Variants in DCX observed in about 807,000 individuals in gnomAD.
DCX encodes doublecortin.
Under a neutral mutation model 20.9 loss-of-function variants are expected in DCX, and 4 were observed. The ratio of observed to expected loss-of-function variants is 0.19; its 90% confidence interval spans 0.09 to 0.44. The LOEUF (loss-of-function observed/expected upper bound fraction) is 0.44. Ranked by LOEUF, DCX falls within the 20% of genes least tolerant of loss-of-function variation. The pLI is 0.99. For synonymous variants in DCX, 103 were observed against 111.4 expected (o/e 0.92, Z 0.47); for missense variants, 133 against 296.9 (o/e 0.45, Z 4.06).
intron 5 of DCX, among the ~76,000 whole-genome samples, chrX:111,312,975 C>T (rs2095061026): frequency 8.9e-6 from 1 of 111,936 alleles, no homozygotes; most frequent in South Asian, 3.8e-4. Context: ...CTTTCCTCCT[C>T]AGTGCTTCCC....
intron 3 of DCX, among the ~76,000 whole-genome samples, chrX:111,385,718 C>CAAGAAAGCAAGAAAGCAAGAAAGCAAGG (rs1556396523): frequency 1.2e-5 from 1 of 82,016 alleles, no homozygotes; most frequent in African/African-American, 4.5e-5. Flanking sequence ...AGCAAGAAAG[C>CAAGAAAGCAAGAAAGCAAGAAAGCAAGG]AAGGAAGGAA....
At chrX:111,382,786 A>G (rs190398383) in intron 3 of DCX, among the ~76,000 whole-genome samples, 4 of 111,860 alleles carry the variant, frequency 3.6e-5, no homozygotes, top group African/African-American at 1.3e-4. Context: ...AGGTATGTGA[A>G]TCAGAAAACT....
At chrX:111,394,927 A>G (rs894292535) in intron 3 of DCX, among the ~76,000 whole-genome samples, 1 of 112,302 alleles carries the variant, frequency 8.9e-6, no homozygotes, top group South Asian at 3.7e-4. Flanking sequence ...CGAAAATTAC[A>G]AGTTTGAAAA....
chrX:111,377,156 C>T (rs188688860), intron 3 of DCX, among the ~76,000 whole-genome samples: 1 of 111,313 alleles, frequency 9.0e-6, no homozygotes, highest in East Asian at 2.9e-4. Flanking sequence ...ATTGAGCCAG[C>T]GTAAAAAGGC....
intron 5 of DCX, among the ~76,000 whole-genome samples, chrX:111,314,495 A>G (rs2095065075): frequency 8.9e-6 from 1 of 111,846 alleles, no homozygotes; most frequent in Non-Finnish European, 1.9e-5. Flanking sequence ...AATCTGAAAT[A>G]GGCAAATCAA....
chrX:111,351,878 C>T (rs1236355751), intron 3 of DCX, among the ~76,000 whole-genome samples: 1 of 111,594 alleles, frequency 9.0e-6, no homozygotes, highest in Non-Finnish European at 1.9e-5. Context: ...GCGCAAGTCA[C>T]CAGGCCCGGC....
intron 3 of DCX, among the ~76,000 whole-genome samples, chrX:111,379,806 T>C (rs1569495149): frequency 8.9e-6 from 1 of 111,839 alleles, no homozygotes; most frequent in Non-Finnish European, 1.9e-5. Flanking sequence ...CATTTTATAT[T>C]CCCACCACCA....
At chrX:111,312,764 G>C (rs780827297) in intron 5 of DCX, 28 bp from the exon 6 acceptor site, 10 of 1,187,569 alleles carry the variant, frequency 8.4e-6, no homozygotes, top group Non-Finnish European at 1.1e-5. Flanking sequence ...AAAAGGAAGG[G>C]ATAAAAATCA....
chrX:111,375,963 G>A (rs931806841), intron 3 of DCX, among the ~76,000 whole-genome samples: 1 of 112,032 alleles, frequency 8.9e-6, no homozygotes, highest in African/African-American at 3.2e-5. Context: ...ACTATCAGAT[G>A]CCAGCTATTG....
chrX:111,318,765 A>T (rs1175744150), intron 5 of DCX, among the ~76,000 whole-genome samples: 2 of 111,065 alleles, frequency 1.8e-5, no homozygotes, highest in Non-Finnish European at 3.8e-5. Flanking sequence ...GGACACAAAG[A>T]GGTGAACAAC....
chrX:111,375,233 A>C (rs1046788410), intron 3 of DCX, among the ~76,000 whole-genome samples: 9 of 108,810 alleles, frequency 8.3e-5, no homozygotes, highest in East Asian at 2.9e-4. Context: ...CACACACACA[A>C]AAAAGGAATG....
chrX:111,307,156 T>C (rs1217157363), intron 6 of DCX, among the ~76,000 whole-genome samples: 1 of 110,694 alleles, frequency 9.0e-6, no homozygotes, highest in African/African-American at 3.3e-5. Flanking sequence ...GTGAATTATA[T>C]CTCAATAAGC....
intron 3 of DCX, among the ~76,000 whole-genome samples, chrX:111,341,397 G>A (rs192935441): frequency 9.0e-6 from 1 of 110,946 alleles, no homozygotes; most frequent in Non-Finnish European, 1.9e-5. Context: ...ACCTACGATT[G>A]ATTGCAGTAC....
At chrX:111,323,603 G>GTTTTTTTTTT (rs780794851) in intron 5 of DCX, among the ~76,000 whole-genome samples, 47 of 52,146 alleles carry the variant, frequency 9.0e-4, no homozygotes, top group Non-Finnish European at 1.3e-3. Flanking sequence ...TATTATTTCT[G>GTTTTTTTTTT]TTTTTTTTTT....
At chrX:111,377,921 T>A (rs1261892518) in intron 3 of DCX, among the ~76,000 whole-genome samples, 2 of 111,195 alleles carry the variant, frequency 1.8e-5, no homozygotes, top group African/African-American at 6.5e-5. Flanking sequence ...TAACTAATCT[T>A]GAACACCTCA....
chrX:111,387,394 T>C (rs1053790405), intron 3 of DCX, among the ~76,000 whole-genome samples: 2 of 112,113 alleles, frequency 1.8e-5, no homozygotes, highest in African/African-American at 3.2e-5. Context: ...AGAAGCATAA[T>C]GCATTCCTAA....
intron 5 of DCX, 61 bp downstream of exon 5, chrX:111,330,843 G>A (rs1165852871): frequency 1.3e-5 from 15 of 1,195,159 alleles, no homozygotes; most frequent in Non-Finnish European, 1.6e-5. Context: ...TCCTCTGCAT[G>A]CAGAAAGTAT....
intron 3 of DCX, among the ~76,000 whole-genome samples, chrX:111,393,830 TA>T (rs1208428776): frequency 5.2e-4 from 53 of 101,012 alleles, no homozygotes; most frequent in Non-Finnish European, 4.9e-4. Context: ...ATGGAGCTAA[TA>T]AAAAAAAAAA....
intron 3 of DCX, among the ~76,000 whole-genome samples, chrX:111,386,925 A>G (rs758293469): frequency 4.5e-5 from 5 of 111,602 alleles, no homozygotes; most frequent in Non-Finnish European, 9.4e-5. Flanking sequence ...AAAAATGCCG[A>G]CTATTGACAG....
Sources: gnomAD v4.1 joint callset for allele counts (sites outside exome capture counted in the v4.1 genomes callset) on GRCh38, gnomAD v4.1.1 for gene constraint, MANE v1.5 for transcripts, NCBI Gene and HGNC (gene_info 2026-07-23, HGNC 2026-07-21) for gene names.